TCF4: variants seen among roughly 807,000 people sequenced by gnomAD.
The protein encoded by TCF4 is SL3-3 enhancer factor 2.
TCF4 carries 3 observed loss-of-function variants against 82.1 expected under a neutral mutation model. The observed-to-expected ratio is 0.04, with a 90% CI of 0.02 to 0.09. The LOEUF (loss-of-function observed/expected upper bound fraction) is 0.09. TCF4 is among the 10% of genes least tolerant of loss of function. TCF4 has a pLI of 1.00. For synonymous variants in TCF4, 276 were observed against 309.6 expected (o/e 0.89, Z 1.14); for missense variants, 518 against 852.7 (o/e 0.61, Z 4.89).
intron 5 of TCF4, among the ~76,000 whole-genome samples, chr18:55,433,906 C>T (rs1052683202): frequency 7.9e-5 from 12 of 152,094 alleles, no homozygotes; most frequent in Non-Finnish European, 1.8e-4. Flanking sequence ...GAGCCATTTC[C>T]TCTTCAGCTG....
intron 5 of TCF4, among the ~76,000 whole-genome samples, chr18:55,440,130 C>G (rs2095412898): frequency 6.6e-6 from 1 of 152,146 alleles, no homozygotes; most frequent in Non-Finnish European, 1.5e-5. Context: ...TGGTGAGCCA[C>G]CACGCCCAGC....
Position 55,297,830 on chromosome 18 carries a change from T to G in TCF4, c.550-18174A>C, listed in dbSNP as rs184141866. On this transcript the variant is annotated intron_variant, in intron 8 of 19. Transcript: ENST00000354452. ...AGGACTTCCAAGGACAGTTTGAGTA[T>G]CCCTACATTGAAACTTTTGGCAAAA... Among the ~76,000 whole-genome samples, 574 of 152,158 alleles carry G rather than the reference T, an allele frequency of 3.8e-3. 25 individuals are homozygous for G. The South Asian group carries it at 0.1, about 27-fold the overall frequency.
At chr18:55,526,817 T>C (rs1219566398) in intron 3 of TCF4, among the ~76,000 whole-genome samples, 1 of 152,154 alleles carries the variant, frequency 6.6e-6, no homozygotes, top group African/African-American at 2.4e-5. Context: ...TTCCAGGCAG[T>C]GTGCCTTAAC....
At position 55,224,657 on chromosome 18, in the gene TCF4, T is replaced by C. The variant is rs1311692343; in HGVS notation, c.*3378A>G. 1.3e-5 allele frequency: 2 copies of C among 150,500 alleles called. No individual in the cohort carries two copies. The highest frequency in any genetic ancestry group is 3.0e-5 in the Non-Finnish European group (2 of 67,550). 9.3% of individuals were successfully genotyped at this position (150,500 alleles called of 1,614,324 possible). On this transcript the variant is annotated 3_prime_UTR_variant, in exon 20 of 20. Transcript: ENST00000354452. Reference sequence around the variant, plus strand: ...ACAAATAAAAAAAAAAATTCAGAAATAGGAAAAAGTGAAAAATAAAAAGGA... The same window carrying C: ...ACAAATAAAAAAAAAAATTCAGAAACAGGAAAAAGTGAAAAATAAAAAGGA...
At chr18:55,545,566 A>C (rs1295944327) in intron 3 of TCF4, among the ~76,000 whole-genome samples, 2 of 152,042 alleles carry the variant, frequency 1.3e-5, no homozygotes, top group African/African-American at 4.8e-5. Flanking sequence ...CTCCTACCTC[A>C]GCCTCCCAAG....
intron 6 of TCF4, among the ~76,000 whole-genome samples, chr18:55,391,761 T>C (rs1449817203): frequency 1.3e-5 from 2 of 151,040 alleles, no homozygotes; most frequent in East Asian, 2.0e-4. Context: ...GGTGAAACCC[T>C]GTCTCTACAA....
In TCF4 at chr18:55,469,419, G is replaced by A. The variant is rs1001765508; in HGVS notation, c.146-5282C>T. Among the ~76,000 whole-genome samples the A allele has an allele frequency of 3.3e-5, 5 of 151,898 alleles. No homozygotes were observed. The South Asian group carries it at 6.2e-4, about 19-fold the overall frequency. On this transcript the variant is annotated intron_variant, in intron 3 of 19. Coordinates refer to ENST00000354452, the MANE Select transcript of TCF4 (RefSeq NM_001083962.2). ...GTGGAGGTTGCCGCGAGCCAAGATC[G>A]AGCCACTGTACTCCAGCCTGGGTGA...
At chr18:55,499,022 A>G (rs1345354893) in intron 3 of TCF4, among the ~76,000 whole-genome samples, 1 of 152,190 alleles carries the variant, frequency 6.6e-6, no homozygotes, top group Non-Finnish European at 1.5e-5. Context: ...TTTGTTTTTT[A>G]GATCTTCAAC....
At chr18:55,285,027 G>T (rs1375093442) in intron 8 of TCF4, among the ~76,000 whole-genome samples, 2 of 152,174 alleles carry the variant, frequency 1.3e-5, no homozygotes, top group Non-Finnish European at 2.9e-5. Context: ...AAGGACATAG[G>T]CCTCAGTAAG....
At chr18:55,511,822 C>G (rs1336109422) in intron 3 of TCF4, among the ~76,000 whole-genome samples, 1 of 152,076 alleles carries the variant, frequency 6.6e-6, no homozygotes, top group Non-Finnish European at 1.5e-5. Context: ...AAGACCAACT[C>G]TCAACTAATG....
At chr18:55,478,451 C>T (rs2096348236) in intron 3 of TCF4, among the ~76,000 whole-genome samples, 1 of 152,198 alleles carries the variant, frequency 6.6e-6, no homozygotes, top group African/African-American at 2.4e-5. Context: ...GTCATTCCTT[C>T]TGCTTTACTC....
chr18:55,229,136 A>C (rs2047159588), intron 17 of TCF4, 60 bp from the exon 18 acceptor site: 2 of 1,584,010 alleles, frequency 1.3e-6, no homozygotes, highest in Admixed American at 1.7e-5. Flanking sequence ...AGGTGTCTAC[A>C]TTACTTTGTT....
At chr18:55,503,499 A>G (rs2096722025) in intron 3 of TCF4, among the ~76,000 whole-genome samples, 2 of 152,242 alleles carry the variant, frequency 1.3e-5, no homozygotes, top group South Asian at 4.1e-4. Context: ...AGATGAATAA[A>G]CTGAGCCCAA....
At chr18:55,387,900 T>C (rs561602751) in intron 6 of TCF4, among the ~76,000 whole-genome samples, 1 of 152,262 alleles carries the variant, frequency 6.6e-6, no homozygotes, top group African/African-American at 2.4e-5. Flanking sequence ...AAGGAAAACT[T>C]CCGTGTTACA....
intron 6 of TCF4, among the ~76,000 whole-genome samples, chr18:55,374,801 G>A (rs2090295448): frequency 6.9e-6 from 1 of 144,242 alleles, no homozygotes; most frequent in South Asian, 2.3e-4. Context: ...TCAGGTGGTA[G>A]AGACTGCAGT....
At chr18:55,630,637 A>C (rs999794908) in intron 2 of TCF4, among the ~76,000 whole-genome samples, 9 of 152,206 alleles carry the variant, frequency 5.9e-5, no homozygotes, top group African/African-American at 2.2e-4. Context: ...GTGTGGCAGA[A>C]ACTCTTGCTA....
At chr18:55,231,449 G>C (rs951420420) in intron 17 of TCF4, 1 of 152,188 alleles carries the variant, frequency 6.6e-6, no homozygotes, top group Non-Finnish European at 1.5e-5. Context: ...TCATAAGAGT[G>C]ACCTTTTTAA....
chr18:55,416,605 T>G (rs1421161608), intron 5 of TCF4, among the ~76,000 whole-genome samples: 1 of 152,226 alleles, frequency 6.6e-6, no homozygotes, highest in Non-Finnish European at 1.5e-5. Flanking sequence ...TTGAGAGAAC[T>G]TAATTTATAG....
rs1242985653 is a variant in TCF4 at position 55,421,120 on chromosome 18, A to G, written c.305-17602T>C. Among the ~76,000 whole-genome samples the G allele has an allele frequency of 2.0e-5, 3 of 152,226 alleles. No individual in the cohort carries two copies. In the East Asian group the frequency reaches 5.8e-4, roughly 29 times the overall value. ...AAAGTAAAACCTTCTTTTGCCTGCT[A>G]TTTTACCACAATAGATTTTACAGGA... is the stretch of plus-strand genomic sequence containing the variant. On this transcript the variant is annotated intron_variant, in intron 5 of 19. Transcript: ENST00000354452.
Sources: allele counts gnomAD v4.1 joint callset (sites outside exome capture counted in the v4.1 genomes callset), GRCh38; gene constraint gnomAD v4.1.1; transcripts MANE v1.5; gene names NCBI Gene and HGNC (gene_info 2026-07-23, HGNC 2026-07-21).